The following HEPH variants were observed in gnomAD, a reference collection of about 807,000 sequenced individuals.
HEPH encodes the protein hephaestin.
A neutral mutation model predicts 80.8 loss-of-function variants in HEPH; 69 were observed. The ratio of observed to expected loss-of-function variants is 0.85; its 90% CI spans 0.70 to 1.04. The LOEUF (loss-of-function observed/expected upper bound fraction) is 1.04, where lower values mean the gene tolerates loss of function less well. Among genes scored for constraint, HEPH ranks in the 50% least tolerant of loss-of-function variants. HEPH has a pLI of 0.00. For synonymous variants in HEPH, 431 were observed against 322.8 expected (o/e 1.34, Z -3.60); for missense variants, 1,115 against 891.3 (o/e 1.25, Z -3.20).
At chrX:66,231,781 C>A (rs1286906994) in intron 15 of HEPH, among the ~76,000 whole-genome samples, 11 of 106,066 alleles carry the variant, frequency 1.0e-4, no homozygotes, top group Non-Finnish European at 2.1e-4. Flanking sequence ...CCTTCTCCTG[C>A]CTAATTGCCC....
intron 15 of HEPH, among the ~76,000 whole-genome samples, chrX:66,221,489 G>A (rs2089645218): frequency 1.8e-5 from 2 of 112,609 alleles, no homozygotes; most frequent in South Asian, 7.3e-4. Flanking sequence ...TTTGCCCAAG[G>A]GTTATTTTGT....
chrX:66,207,228 G>C lies in HEPH; in HGVS notation c.2325G>C (p.Gly775=). 8.3e-7 allele frequency: 1 copy of C among 1,206,573 alleles called. No individual in the cohort carries two copies. The highest frequency in any genetic ancestry group is 1.7e-5 in the African/African-American group (1 of 57,160). ...YGYIFLSNKD[G]LLGSRYKKAV... ...ACATTTTCCTGAGCAACAAGGATGGGCTCCTGGGTTCCAGATACAAGAAAG... is the reference window on the plus strand; with the variant it reads ...ACATTTTCCTGAGCAACAAGGATGGCCTCCTGGGTTCCAGATACAAGAAAG... Residue 775 remains glycine, a synonymous_variant, in exon 14 of 21, where the codon GGG becomes GGC. Transcript: ENST00000343002.
chrX:66,200,001 ATT>A (rs916915834), intron 11 of HEPH, among the ~76,000 whole-genome samples: 2 of 107,125 alleles, frequency 1.9e-5, no homozygotes, highest in Non-Finnish European at 1.9e-5. Flanking sequence ...AGAGGAGGCT[ATT>A]TTAGTTCAGG....
chrX:66,187,553 C>A (rs1029260056), intron 4 of HEPH, among the ~76,000 whole-genome samples: 1 of 111,898 alleles, frequency 8.9e-6, no homozygotes, highest in Admixed American at 9.5e-5. Flanking sequence ...CTACCTGGCT[C>A]TGGGCTGATA....
At chrX:66,254,746 C>T (rs2091115580) in intron 15 of HEPH, among the ~76,000 whole-genome samples, 1 of 98,042 alleles carries the variant, frequency 1.0e-5, no homozygotes, top group Non-Finnish European at 2.1e-5. Context: ...CCACCCCACC[C>T]CCGCCCCGCA....
At chrX:66,222,096 G>A in intron 15 of HEPH, among the ~76,000 whole-genome samples, 1 of 112,863 alleles carries the variant, frequency 8.9e-6, no homozygotes, top group Non-Finnish European at 1.9e-5. Context: ...GATGAACAAG[G>A]GCTGACTGAT....
chrX:66,252,710 A>G (rs754401220), intron 15 of HEPH, among the ~76,000 whole-genome samples: 2 of 112,383 alleles, frequency 1.8e-5, no homozygotes, highest in East Asian at 5.6e-4. Context: ...TAAACTTACT[A>G]CAAAGCATAG....
intron 4 of HEPH, among the ~76,000 whole-genome samples, chrX:66,179,900 C>T (rs775635470): frequency 1.1e-4 from 12 of 111,537 alleles, no homozygotes; most frequent in African/African-American, 1.6e-4. Flanking sequence ...AGAATAGCTT[C>T]TCCTACTCAC....
rs2088185283 is a variant in HEPH, at chrX:66,197,778, G to A, written c.1597G>A (p.Ala533Thr). 2 of 1,211,504 alleles carry A rather than the reference G, an allele frequency of 1.7e-6. No individual in the cohort carries two copies. The highest frequency in any genetic ancestry group is 1.7e-5 in the African/African-American group (1 of 57,851). ...TGCCGGTCCCACTGCTCAGGATCCT[G>A]CTTGTCTCACTTGGATGTACTTCTC... is the stretch of plus-strand genomic sequence containing the variant. ...PHAGPTAQDP[A>T]CLTWMYFSAA... The change falls in exon 10 of 21, where the codon GCT becomes ACT. Residue 533 changes from alanine (A) to threonine (T), a missense_variant. Coordinates refer to ENST00000343002, the MANE Select transcript of HEPH (RefSeq NM_001367233.3).
At chrX:66,251,473 T>G (rs1308053384) in intron 15 of HEPH, among the ~76,000 whole-genome samples, 1 of 112,319 alleles carries the variant, frequency 8.9e-6, no homozygotes, top group African/African-American at 3.2e-5. Context: ...ATCTATCATA[T>G]GTTTATTTGT....
At chrX:66,237,570 TGTG>T (rs1452041176) in intron 15 of HEPH, among the ~76,000 whole-genome samples, 1 of 112,048 alleles carries the variant, frequency 8.9e-6, no homozygotes, top group Non-Finnish European at 1.9e-5. Flanking sequence ...TTGATGTACA[TGTG>T]GTGATGAGAA....
At chrX:66,228,453 CT>C (rs1425264272) in intron 15 of HEPH, among the ~76,000 whole-genome samples, 1 of 112,922 alleles carries the variant, frequency 8.9e-6, no homozygotes, top group Non-Finnish European at 1.9e-5. Flanking sequence ...TGGAAAAATC[CT>C]TCTAGACATT....
At chrX:66,227,472 G>A (rs936556646) in intron 15 of HEPH, among the ~76,000 whole-genome samples, 6 of 111,625 alleles carry the variant, frequency 5.4e-5, no homozygotes, top group African/African-American at 2.0e-4. Flanking sequence ...TTGGTAAAGA[G>A]GAAGTCAAAC....
chrX:66,264,337 T>C (rs2091463772), intron 20 of HEPH, among the ~76,000 whole-genome samples: 1 of 107,880 alleles, frequency 9.3e-6, no homozygotes, highest in African/African-American at 3.4e-5. Flanking sequence ...GGAAAAGTTA[T>C]AGCACAAATA....
chrX:66,218,725 C>T lies in HEPH; in HGVS notation c.2563+10479C>T, dbSNP rs140275321. ...TTTAAGGGGGTCCACATGAGAGGGT[C>T]GTGATCGATTGAGCAAGCAGGGGGT... On this transcript the variant is annotated intron_variant, in intron 15 of 20. Transcript: ENST00000343002. Among the ~76,000 whole-genome samples the T allele has an allele frequency of 2.7e-3, 303 of 110,722 alleles. 2 individuals are homozygous for T. Among genetic ancestry groups the T allele is most frequent in the African/African-American group, 9.0e-3 (275 of 30,444 alleles).
intron 15 of HEPH, among the ~76,000 whole-genome samples, chrX:66,251,510 G>A (rs2091004667): frequency 8.9e-6 from 1 of 111,772 alleles, no homozygotes; most frequent in East Asian, 2.8e-4. Context: ...GTTGTGAAAT[G>A]TCCGTTCAAT....
chrX:66,189,862 C>T lies in HEPH; in HGVS notation c.987C>T (p.Thr329=). ...ATGTGGCTAACATCTTTCCAGCCACCTTTGTGACTGCTGAGATGGTGCCCT... is the reference window on the plus strand; with the variant it reads ...ATGTGGCTAACATCTTTCCAGCCACTTTTGTGACTGCTGAGATGGTGCCCT... ...HTDVANIFPA[T]FVTAEMVPWE... The change falls in exon 6 of 21, where the codon ACC becomes ACT. Residue 329 remains threonine (T), a synonymous_variant. Coordinates refer to ENST00000343002, the MANE Select transcript of HEPH (RefSeq NM_001367233.3). 1 of 1,204,961 alleles carries T rather than the reference C, an allele frequency of 8.3e-7. No homozygotes were observed. Among genetic ancestry groups the T allele is most frequent in the Non-Finnish European group, 1.1e-6 (1 of 891,673 alleles).
At chrX:66,198,625 C>G (rs1405407882) in intron 10 of HEPH, among the ~76,000 whole-genome samples, 1 of 111,106 alleles carries the variant, frequency 9.0e-6, no homozygotes. Context: ...ATTTCTTATC[C>G]TATGCTCCTT....
intron 10 of HEPH, 109 bp downstream of exon 10, chrX:66,198,003 A>G: frequency 1.6e-6 from 1 of 614,941 alleles, no homozygotes; most frequent in Non-Finnish European, 2.5e-6. Context: ...GGAATAGAAG[A>G]AAAATAATCA....
Sources: allele counts gnomAD v4.1 joint callset (sites outside exome capture counted in the v4.1 genomes callset), GRCh38; gene constraint gnomAD v4.1.1; transcripts MANE v1.5; gene names NCBI Gene and HGNC (gene_info 2026-07-23, HGNC 2026-07-21).